Variants in PLPPR5 observed in about 807,000 individuals in gnomAD.
The protein encoded by PLPPR5 is phospholipid phosphatase related 5.
In PLPPR5, 16 loss-of-function variants were observed where a neutral mutation model predicts 33.9. The ratio of observed to expected loss-of-function variants is 0.47; its 90% CI spans 0.32 to 0.72. PLPPR5 has a LOEUF of 0.72. PLPPR5 is among the 30% of genes least tolerant of loss of function. The pLI, the probability that PLPPR5 is intolerant of heterozygous loss-of-function variation, is 0.03. For missense variants in PLPPR5, 301 were observed against 406.7 expected, an observed-to-expected ratio of 0.74 and a Z score of 2.23; for synonymous variants, 163 against 150.3, an observed-to-expected ratio of 1.08 and a Z score of -0.62.
intron 3 of PLPPR5, among the ~76,000 whole-genome samples, chr1:98,930,188 C>A (rs563522949): frequency 6.6e-6 from 1 of 152,156 alleles, no homozygotes; most frequent in East Asian, 1.9e-4. Context: ...GTAGAACCTG[C>A]AAAACTTAAA....
intron 5 of PLPPR5, among the ~76,000 whole-genome samples, chr1:98,910,525 G>T (rs1159480250): frequency 6.6e-6 from 1 of 152,088 alleles, no homozygotes; most frequent in Admixed American, 6.5e-5. Context: ...TCTAAATAAA[G>T]ACCAAAATGT....
At chr1:98,919,722 T>C (rs912100924) in intron 4 of PLPPR5, among the ~76,000 whole-genome samples, 1 of 152,210 alleles carries the variant, frequency 6.6e-6, no homozygotes, top group African/African-American at 2.4e-5. Flanking sequence ...CCATCTCTTC[T>C]ATCCTCAACT....
At chr1:98,973,279 T>C (rs1651722391) in intron 1 of PLPPR5, among the ~76,000 whole-genome samples, 1 of 151,952 alleles carries the variant, frequency 6.6e-6, no homozygotes, top group African/African-American at 2.4e-5. Context: ...TATCTATAAA[T>C]ACAAATAATT....
At chr1:98,930,623 T>C (rs1483816853) in intron 3 of PLPPR5, among the ~76,000 whole-genome samples, 1 of 152,220 alleles carries the variant, frequency 6.6e-6, no homozygotes, top group African/African-American at 2.4e-5. Flanking sequence ...TCCACACTAA[T>C]TTCAATACAT....
chr1:98,939,727 G>A (rs1188608841), intron 3 of PLPPR5, among the ~76,000 whole-genome samples: 4 of 151,878 alleles, frequency 2.6e-5, no homozygotes, highest in East Asian at 1.9e-4. Flanking sequence ...TGGTGCCAGC[G>A]ATACCTGGGT....
chr1:98,989,868 G>A (rs1652388288), intron 1 of PLPPR5, among the ~76,000 whole-genome samples: 1 of 152,072 alleles, frequency 6.6e-6, no homozygotes, highest in Non-Finnish European at 1.5e-5. Context: ...CCTCTGCTCA[G>A]CTCATTGGAA....
intron 4 of PLPPR5, among the ~76,000 whole-genome samples, chr1:98,918,373 T>G (rs906915728): frequency 2.0e-5 from 3 of 152,238 alleles, no homozygotes; most frequent in Non-Finnish European, 4.4e-5. Context: ...ATAACTATTA[T>G]TGTTGTATAT....
At chr1:98,942,124 T>G (rs926388753) in intron 3 of PLPPR5, among the ~76,000 whole-genome samples, 1 of 146,848 alleles carries the variant, frequency 6.8e-6, no homozygotes, top group Non-Finnish European at 1.5e-5. Context: ...CAGGCTGGAG[T>G]GCAGTGGCGC....
chr1:98,941,046 A>G lies in PLPPR5; in HGVS notation c.621+12024T>C, dbSNP rs573544785. Among the ~76,000 whole-genome samples, 10 of 151,960 alleles carry G rather than the reference A, an allele frequency of 6.6e-5. No homozygotes were observed. In the South Asian group the frequency reaches 2.1e-3, roughly 32 times the overall value. On this transcript the variant is annotated intron_variant, in intron 3 of 5. Transcript: ENST00000263177. The stretch of plus-strand genomic sequence containing the variant: ...AGTTAGGCGTAAAGTCTGGAGCTGA[A>G]GAGAGAGGTTAAGGCCAATGAAGGA...
At chr1:98,980,164 C>A (rs951341009) in intron 1 of PLPPR5, among the ~76,000 whole-genome samples, 7 of 152,026 alleles carry the variant, frequency 4.6e-5, no homozygotes, top group Non-Finnish European at 4.4e-5. Context: ...TCTTCAGTTT[C>A]CTTCTTCCTA....
intron 1 of PLPPR5, among the ~76,000 whole-genome samples, chr1:98,985,451 A>G (rs1169743772): frequency 6.6e-6 from 1 of 152,096 alleles, no homozygotes; most frequent in Non-Finnish European, 1.5e-5. Flanking sequence ...CCATCATAAC[A>G]TTGTAGCACA....
chr1:98,904,696 G>A (rs1648832241), intron 5 of PLPPR5, among the ~76,000 whole-genome samples: 1 of 152,168 alleles, frequency 6.6e-6, no homozygotes, highest in African/African-American at 2.4e-5. Context: ...AAGGACGACA[G>A]AGCTCAGTGC....
intron 1 of PLPPR5, among the ~76,000 whole-genome samples, chr1:98,967,532 C>T (rs1217005671): frequency 6.6e-6 from 1 of 152,078 alleles, no homozygotes; most frequent in African/African-American, 2.4e-5. Flanking sequence ...CAAAAAGAAA[C>T]TCAGTGCCCC....
chr1:99,000,123 T>C (rs1392586154), intron 1 of PLPPR5, among the ~76,000 whole-genome samples: 1 of 152,192 alleles, frequency 6.6e-6, no homozygotes, highest in South Asian at 2.1e-4. Flanking sequence ...AACCTGTATC[T>C]GTACAAGCAA....
chr1:98,963,549 G>C (rs1651323396), intron 1 of PLPPR5, among the ~76,000 whole-genome samples: 1 of 152,160 alleles, frequency 6.6e-6, no homozygotes, highest in Non-Finnish European at 1.5e-5. Context: ...GATTGAACAT[G>C]CCTGAGTCAC....
At chr1:98,952,219 C>A (rs1443130810) in intron 3 of PLPPR5, among the ~76,000 whole-genome samples, 1 of 145,894 alleles carries the variant, frequency 6.9e-6, no homozygotes, top group Non-Finnish European at 1.5e-5. Flanking sequence ...GCTGAGATTG[C>A]GCCACTGCAC....
chr1:98,999,061 G>A (rs1429861473), intron 1 of PLPPR5, among the ~76,000 whole-genome samples: 1 of 152,096 alleles, frequency 6.6e-6, no homozygotes, highest in Non-Finnish European at 1.5e-5. Context: ...CTTAAGTTTT[G>A]CTTTTCTTCC....
At chr1:98,999,890 C>T (rs1652762452) in intron 1 of PLPPR5, among the ~76,000 whole-genome samples, 1 of 152,184 alleles carries the variant, frequency 6.6e-6, no homozygotes, top group Non-Finnish European at 1.5e-5. Flanking sequence ...TTCAAACCTG[C>T]CGTGCTCAGT....
In PLPPR5 at chr1:98,942,111, G is replaced by A. The variant is rs117376292; in HGVS notation, c.621+10959C>T. On this transcript the variant is annotated intron_variant, in intron 3 of 5. Transcript: ENST00000263177. ...GAGAGAGAGGAAGTCTCGCTCTGTC[G>A]CCCAGGCTGGAGTGCAGTGGCGCAA... Among the ~76,000 whole-genome samples the A allele has an allele frequency of 6.7e-4, 99 of 146,852 alleles. 1 individual carries two copies. In the East Asian group the frequency reaches 0.016, roughly 23 times the overall value.
Sources: allele counts gnomAD v4.1 joint callset (sites outside exome capture counted in the v4.1 genomes callset), GRCh38; gene constraint gnomAD v4.1.1; transcripts MANE v1.5; gene names NCBI Gene and HGNC (gene_info 2026-07-23, HGNC 2026-07-21).